Variants in GAB2 observed in about 807,000 individuals in gnomAD.
GAB2 encodes the protein GRB2-associated-binding protein 2.
In GAB2, 26 loss-of-function variants were observed where a neutral mutation model predicts 65.5. That is an observed-to-expected ratio of 0.40 (90% CI 0.29 to 0.55). The LOEUF (loss-of-function observed/expected upper bound fraction) is 0.55. Among genes scored for constraint, GAB2 ranks in the 20% least tolerant of loss-of-function variants. The probability of loss-of-function intolerance (pLI) is 0.53; values close to 1 mark genes in which losing one functional copy is unlikely to be tolerated. For missense variants in GAB2, 884 were observed against 875.8 expected, an observed-to-expected ratio of 1.01 and a Z score of -0.12; for synonymous variants, 321 against 329.6, an observed-to-expected ratio of 0.97 and a Z score of 0.28.
chr11:78,413,681 G>C (rs1020365127), intron 1 of GAB2, among the ~76,000 whole-genome samples: 8 of 152,164 alleles, frequency 5.3e-5, no homozygotes, highest in African/African-American at 1.4e-4. Flanking sequence ...ATGTGTTACA[G>C]GATAAGAATT....
chr11:78,348,557 G>T (rs1478612748), intron 1 of GAB2, among the ~76,000 whole-genome samples: 1 of 152,186 alleles, frequency 6.6e-6, no homozygotes, highest in African/African-American at 2.4e-5. Flanking sequence ...AAACCCATTA[G>T]AATGACTAAA....
At chr11:78,389,234 G>C (rs1020585200) in intron 1 of GAB2, among the ~76,000 whole-genome samples, 1 of 151,860 alleles carries the variant, frequency 6.6e-6, no homozygotes, top group African/African-American at 2.4e-5. Context: ...AGAAACATCT[G>C]AGATTGACAT....
At chr11:78,222,253 C>T (rs1268618468) in intron 6 of GAB2, 58 bp from the exon 7 acceptor site, 3 of 1,058,360 alleles carry the variant, frequency 2.8e-6, no homozygotes, top group South Asian at 1.3e-5. Context: ...TACACATACA[C>T]ACCTTATATA....
chr11:78,280,361 A>C (rs1866299141), intron 2 of GAB2: 1 of 541,834 alleles, frequency 1.8e-6, no homozygotes, highest in African/African-American at 1.9e-5. Context: ...GCACCTAAGG[A>C]AACACCACAA....
At chr11:78,257,887 A>G (rs1441111626) in intron 2 of GAB2, among the ~76,000 whole-genome samples, 1 of 152,120 alleles carries the variant, frequency 6.6e-6, no homozygotes, top group Non-Finnish European at 1.5e-5. Context: ...CACAGCCAGA[A>G]AGTGGCATAG....
At chr11:78,388,526 C>T (rs1856796487) in intron 1 of GAB2, among the ~76,000 whole-genome samples, 1 of 151,914 alleles carries the variant, frequency 6.6e-6, no homozygotes, top group Non-Finnish European at 1.5e-5. Flanking sequence ...CAGTGTCTTG[C>T]TATGTTGTCT....
In GAB2 at chr11:78,221,765, G is replaced by C; in HGVS notation, c.1673C>G (p.Ser558Cys). 2 of 1,612,952 alleles carry C rather than the reference G, an allele frequency of 1.2e-6. No individual in the cohort carries two copies. Among genetic ancestry groups the C allele is most frequent in the Non-Finnish European group, 1.7e-6 (2 of 1,179,024 alleles). The part of the protein sequence containing the change: ...SWSRANHTFN[S>C]SSSQYCRPIS... ...GGGGCGGCAGTACTGGGAGGAGCTGGAGTTGAAGGTGTGGCTGTTGTGGGA... is the reference window on the plus strand; with the variant it reads ...GGGGCGGCAGTACTGGGAGGAGCTGCAGTTGAAGGTGTGGCTGTTGTGGGA... The change falls in exon 8 of 10, where the codon TCC becomes TGC. Residue 558 changes from serine to cysteine, a missense_variant. Ser to Cys is a moderately radical substitution (Grantham distance 112). Coordinates refer to ENST00000361507, the MANE Select transcript of GAB2 (RefSeq NM_080491.3).
chr11:78,333,170 T>G (rs112555416), intron 1 of GAB2, among the ~76,000 whole-genome samples: 9,486 of 152,278 alleles, frequency 0.062, 371 homozygotes, highest in Non-Finnish European at 0.084. Flanking sequence ...AAGGAAAATC[T>G]TATCACTAAC....
chr11:78,373,953 A>C (rs1004415779), intron 1 of GAB2, among the ~76,000 whole-genome samples: 1 of 152,340 alleles, frequency 6.6e-6, no homozygotes, highest in Admixed American at 6.5e-5. Context: ...TGCTTGTTAA[A>C]GGAATTAGTT....
intron 1 of GAB2, among the ~76,000 whole-genome samples, chr11:78,410,560 A>G (rs376048438): frequency 6.6e-6 from 1 of 152,206 alleles, no homozygotes; most frequent in East Asian, 1.9e-4. Context: ...ATAAGGGTTA[A>G]AAAAATAAAG....
rs1454154305 is a variant in GAB2, at chr11:78,226,839, G to T, written c.833C>A (p.Thr278Asn). The T allele has an allele frequency of 3.7e-6, 6 of 1,614,028 alleles. No homozygotes were observed. The East Asian group carries it at 1.1e-4, about 30-fold the overall frequency. Residue 278 changes from threonine to asparagine, a missense_variant, in exon 4 of 10, where the codon ACC becomes AAC. Transcript: ENST00000361507. ...CTCGGAGCCTGTGAGGCTGCCCTTG[G>T]TGTGGCCATGGGAGGCCAGGCTGCG... ...LPRSLASHGH[T>N]KGSLTGSETD...
chr11:78,330,739 C>G (rs1565162420), intron 1 of GAB2, among the ~76,000 whole-genome samples: 1 of 151,924 alleles, frequency 6.6e-6, no homozygotes, highest in Non-Finnish European at 1.5e-5. Flanking sequence ...TTTTGGTTAA[C>G]ATTTGGGTGC....
At chr11:78,264,385 A>G (rs1010413953) in intron 2 of GAB2, among the ~76,000 whole-genome samples, 1 of 146,942 alleles carries the variant, frequency 6.8e-6, no homozygotes, top group Admixed American at 6.9e-5. Flanking sequence ...TGTGAAAGGA[A>G]TTTTTTAAAA....
rs890421821 is a variant in GAB2, at chr11:78,266,316, C to T, written c.376+14285G>A. 1.7e-4 allele frequency among the ~76,000 whole-genome samples: 26 copies of T among 151,670 alleles called. 1 individual carries two copies. The highest frequency in any genetic ancestry group is 2.9e-5 in the Non-Finnish European group (2 of 67,950). The stretch of plus-strand genomic sequence containing the variant: ...AAAGAGGAATAAGACGCGTCCTTAC[C>T]CTTGTCTCCCATGCATCTCCTCCCC... On this transcript the variant is annotated intron_variant, in intron 2 of 9. Coordinates refer to ENST00000361507, the MANE Select transcript of GAB2 (RefSeq NM_080491.3).
At chr11:78,360,112 C>A (rs544331506) in intron 1 of GAB2, among the ~76,000 whole-genome samples, 4 of 152,238 alleles carry the variant, frequency 2.6e-5, no homozygotes, top group Non-Finnish European at 5.9e-5. Flanking sequence ...CAAGGAACAT[C>A]TGGAGCCACC....
chr11:78,391,009 G>A (rs895189844), intron 1 of GAB2, among the ~76,000 whole-genome samples: 13 of 152,140 alleles, frequency 8.5e-5, no homozygotes, highest in African/African-American at 3.1e-4. Flanking sequence ...TACTCAAAGA[G>A]CCCTGATTAG....
chr11:78,395,786 C>T (rs557802676), intron 1 of GAB2, among the ~76,000 whole-genome samples: 1 of 152,252 alleles, frequency 6.6e-6, no homozygotes, highest in South Asian at 2.1e-4. Context: ...GATTAAAGCT[C>T]AGAAAGATTA....
At chr11:78,375,244 A>G (rs1856618525) in intron 1 of GAB2, among the ~76,000 whole-genome samples, 1 of 152,160 alleles carries the variant, frequency 6.6e-6, no homozygotes, top group Non-Finnish European at 1.5e-5. Flanking sequence ...TACTACTACT[A>G]CAAAATAGTC....
intron 1 of GAB2, among the ~76,000 whole-genome samples, chr11:78,335,652 T>C (rs561758109): frequency 1.3e-5 from 2 of 152,310 alleles, no homozygotes; most frequent in South Asian, 2.1e-4. Context: ...AGCTCTGTAG[T>C]ATAATTTGAA....
Sources: gnomAD v4.1 joint callset for allele counts (sites outside exome capture counted in the v4.1 genomes callset) on GRCh38, gnomAD v4.1.1 for gene constraint, MANE v1.5 for transcripts, NCBI Gene and HGNC (gene_info 2026-07-23, HGNC 2026-07-21) for gene names.